The following GSTA5 variants were observed in gnomAD, a reference collection of about 807,000 sequenced individuals.
The protein encoded by GSTA5 is glutathione S-transferase A5.
GSTA5 carries 25 observed loss-of-function variants against 21.8 expected under a neutral mutation model. The observed-to-expected ratio is 1.14, with a 90% CI of 0.83 to 1.60. The LOEUF is 1.60. Among genes scored for constraint, GSTA5 ranks in the 40% most tolerant of loss-of-function variants. The probability of loss-of-function intolerance (pLI) is 0.00; values close to 1 mark genes in which losing one functional copy is unlikely to be tolerated. For synonymous variants in GSTA5, 102 were observed against 89.5 expected (o/e 1.14, Z -0.78); for missense variants, 330 against 259.2 (o/e 1.27, Z -1.88).
chr6:52,837,090 T>A (rs1044967318), intron 2 of GSTA5, among the ~76,000 whole-genome samples: 2 of 152,172 alleles, frequency 1.3e-5, no homozygotes, highest in African/African-American at 4.8e-5. Context: ...AGGTTTTTAA[T>A]ATAAGGGTCC....
At chr6:52,832,909 A>G (rs1324070928) in exon 5 of GSTA5, 1 of 1,614,138 alleles carries the variant, frequency 6.2e-7, no homozygotes, top group Non-Finnish European at 8.5e-7. Context: ...TCTTCCACGT[A>G]GTAGAAAAGT....
chr6:52,842,819 G>A (rs996606461), upstream of GSTA5, among the ~76,000 whole-genome samples: 31 of 152,070 alleles, frequency 2.0e-4, no homozygotes, highest in Non-Finnish European at 2.9e-4. Flanking sequence ...TGTTACATAG[G>A]TATGCACATG....
intron 3 of GSTA5, among the ~76,000 whole-genome samples, chr6:52,835,986 G>A (rs1339360964): frequency 2.0e-5 from 3 of 152,132 alleles, no homozygotes; most frequent in Admixed American, 6.5e-5. Context: ...GTTTATGAGT[G>A]TCTGGAAACC....
In GSTA5 at chr6:52,834,220, CAT is replaced by C. The variant is rs1178888521; in HGVS notation, c.333_334del (p.Ile111MetfsTer26). ...CTTGGCATCTCTTTCCTCTGGTTGACATATGAGCAGAAGAAGGATCATTTCAG... is the reference window on the plus strand; with the variant it reads ...CTTGGCATCTCTTTCCTCTGGTTGACATGAGCAGAAGAAGGATCATTTCAG... On this transcript the variant is annotated frameshift_variant, in exon 4 of 6. Transcript: ENST00000370989. LOFTEE classifies it high-confidence loss of function. 4 of 1,613,752 alleles carry C rather than the reference CAT, an allele frequency of 2.5e-6. No homozygotes were observed. Among genetic ancestry groups the C allele is most frequent in the Non-Finnish European group, 3.4e-6 (4 of 1,179,742 alleles).
chr6:52,842,231 T>C (rs1422233924), upstream of GSTA5, among the ~76,000 whole-genome samples: 1 of 152,060 alleles, frequency 6.6e-6, no homozygotes, highest in East Asian at 1.9e-4. Flanking sequence ...TGAATGTGAA[T>C]GGAAGGACAC....
At chr6:52,831,993 T>A (rs73439325) in intron 5 of GSTA5, 23 bp from the exon 6 acceptor site, 62 of 1,599,090 alleles carry the variant, frequency 3.9e-5, no homozygotes, top group Non-Finnish European at 5.2e-5. Context: ...AAGCACAGCC[T>A]CAGAGTGAAG....
intron 4 of GSTA5, 107 bp downstream of exon 4, chr6:52,834,034 T>C (rs184899209): frequency 8.1e-7 from 1 of 1,228,868 alleles, no homozygotes; most frequent in Non-Finnish European, 1.2e-6. Flanking sequence ...TTGGTGTTCA[T>C]GAAGTCTCAC....
At chr6:52,836,412 C>G in intron 2 of GSTA5, 44 bp from the exon 3 acceptor site, 1 of 1,591,184 alleles carries the variant, frequency 6.3e-7, no homozygotes, top group East Asian at 2.2e-5. Context: ...GTCTATGAAA[C>G]CCACCCTTTT....
upstream of GSTA5, among the ~76,000 whole-genome samples, chr6:52,844,075 T>G (rs1355189095): frequency 6.6e-6 from 1 of 152,116 alleles, no homozygotes; most frequent in African/African-American, 2.4e-5. Flanking sequence ...CTAGGGAGTG[T>G]GTCTACCTTC....
rs187966510 is a variant in GSTA5, at chr6:52,840,334, G to A, written c.87+393C>T. Among the ~76,000 whole-genome samples, 39 of 152,212 alleles carry A rather than the reference G, an allele frequency of 2.6e-4. No homozygotes were observed. In the East Asian group the frequency reaches 7.1e-3, roughly 28 times the overall value. On this transcript the variant is annotated intron_variant, in intron 1 of 5. Coordinates refer to ENST00000370989, the Ensembl canonical transcript of GSTA5. ...GATTAATCCTTAAATACTTCAATGT[G>A]TTTTCCTAAAACACATAAACTGTTC...
intron 5 of GSTA5, among the ~76,000 whole-genome samples, 183 bp downstream of exon 5, chr6:52,832,676 C>T (rs545862835): frequency 7.2e-5 from 11 of 152,270 alleles, no homozygotes; most frequent in African/African-American, 2.6e-4. Context: ...CACAAATTTC[C>T]TTTCCAGAAC....
chr6:52,836,221 G>A lies in GSTA5; in HGVS notation c.272+15C>T, dbSNP rs770673247. 6.2e-7 allele frequency: 1 copy of A among 1,611,690 alleles called. No individual in the cohort carries two copies. The highest frequency in any genetic ancestry group is 2.2e-5 in the East Asian group (1 of 44,886). On this transcript the variant is annotated intron_variant, in intron 3 of 5. Coordinates refer to ENST00000370989, the Ensembl canonical transcript of GSTA5. ...TGTGTTCTCTGTGGATGGAAGAACA[G>A]AAAATATACCATACAGGGCTCTCTC...
upstream of GSTA5, among the ~76,000 whole-genome samples, chr6:52,844,823 A>G (rs1434383535): frequency 1.3e-5 from 2 of 152,200 alleles, no homozygotes; most frequent in African/African-American, 4.8e-5. Context: ...GAGTCTCTGG[A>G]CACATTGAGT....
upstream of GSTA5, among the ~76,000 whole-genome samples, chr6:52,841,615 C>A (rs916192625): frequency 6.6e-6 from 1 of 152,192 alleles, no homozygotes; most frequent in Non-Finnish European, 1.5e-5. Context: ...TATAACCTGG[C>A]AAAAGAGATG....
chr6:52,835,406 C>T (rs1468161569), intron 3 of GSTA5, among the ~76,000 whole-genome samples: 1 of 152,276 alleles, frequency 6.6e-6, no homozygotes, highest in East Asian at 1.9e-4. Context: ...TTTTTCTCCT[C>T]CATTTATTGA....
intron 4 of GSTA5, among the ~76,000 whole-genome samples, chr6:52,833,831 C>A (rs757505814): frequency 1.3e-5 from 2 of 152,218 alleles, no homozygotes; most frequent in African/African-American, 2.4e-5. Flanking sequence ...GACTCAACAG[C>A]AACCTCCAGT....
chr6:52,837,644 T>C, intron 1 of GSTA5, 35 bp from the exon 2 acceptor site: 3 of 1,446,398 alleles, frequency 2.1e-6, no homozygotes, highest in Non-Finnish European at 2.9e-6. Flanking sequence ...TTCTTCTTAG[T>C]TAATTCTATT....
intron 5 of GSTA5, among the ~76,000 whole-genome samples, chr6:52,832,415 T>A (rs1040955163): frequency 3.3e-5 from 5 of 151,956 alleles, no homozygotes; most frequent in Non-Finnish European, 5.9e-5. Flanking sequence ...AGGGGCAGAG[T>A]GCTGGGAGAG....
intron 3 of GSTA5, among the ~76,000 whole-genome samples, chr6:52,835,858 G>T (rs536730174): frequency 7.9e-5 from 12 of 152,200 alleles, no homozygotes; most frequent in Admixed American, 7.2e-4. Flanking sequence ...TCCCTCCCCA[G>T]GCCTTCATCT....
Sources: gnomAD v4.1 joint callset for allele counts (sites outside exome capture counted in the v4.1 genomes callset) on GRCh38, gnomAD v4.1.1 for gene constraint, MANE v1.5 for transcripts, NCBI Gene and HGNC (gene_info 2026-07-23, HGNC 2026-07-21) for gene names.